Variants in KIRREL3 observed in about 807,000 individuals in gnomAD.
KIRREL3 encodes the protein kirre like nephrin family adhesion molecule 3, also known as kin of IRRE-like protein 3.
A neutral mutation model predicts 89.7 loss-of-function variants in KIRREL3; 36 were observed. The observed-to-expected ratio is 0.40, with a 90% CI of 0.31 to 0.53. The LOEUF (loss-of-function observed/expected upper bound fraction) is 0.53, where lower values mean the gene tolerates loss of function less well. Among genes scored for constraint, KIRREL3 ranks in the 20% least tolerant of loss-of-function variants. KIRREL3 has a pLI of 0.49. For synonymous variants in KIRREL3, 445 were observed against 441.4 expected, an observed-to-expected ratio of 1.01 and a Z score of -0.10; for missense variants, 864 against 1,056.6, an observed-to-expected ratio of 0.82 and a Z score of 2.53.
At chr11:126,680,395 G>A (rs1463352898) in intron 1 of KIRREL3, among the ~76,000 whole-genome samples, 1 of 147,520 alleles carries the variant, frequency 6.8e-6, no homozygotes, top group Non-Finnish European at 1.5e-5. Flanking sequence ...TCTTCTACTG[G>A]AGATATATAT....
At chr11:126,543,958 AG>A (rs1319016969) in intron 2 of KIRREL3, 2 of 152,420 alleles carry the variant, frequency 1.3e-5, no homozygotes, top group East Asian at 3.8e-4. Flanking sequence ...AGATGACCCA[AG>A]GAGGACCAGC....
At chr11:126,472,399 C>T (rs1259462847) in intron 5 of KIRREL3, among the ~76,000 whole-genome samples, 1 of 152,158 alleles carries the variant, frequency 6.6e-6, no homozygotes, top group Non-Finnish European at 1.5e-5. Context: ...GCCCTCTTCT[C>T]ACTGTGTCCT....
intron 8 of KIRREL3, among the ~76,000 whole-genome samples, chr11:126,448,218 G>A (rs1022869536): frequency 9.3e-5 from 14 of 150,762 alleles, no homozygotes; most frequent in African/African-American, 3.2e-4. Context: ...GGGAGTTGGA[G>A]GTTGCAGTGA....
At chr11:126,863,349 G>A (rs1944766054) in intron 1 of KIRREL3, among the ~76,000 whole-genome samples, 1 of 152,094 alleles carries the variant, frequency 6.6e-6, no homozygotes, top group Non-Finnish European at 1.5e-5. Flanking sequence ...GGGCATGGGT[G>A]CATGTGAGTG....
intron 1 of KIRREL3, among the ~76,000 whole-genome samples, chr11:126,845,159 T>C (rs1474621183): frequency 6.6e-6 from 1 of 152,118 alleles, no homozygotes; most frequent in Non-Finnish European, 1.5e-5. Context: ...GTGTCTATGT[T>C]TTGTCACATG....
In KIRREL3 at chr11:126,682,201, T is replaced by G. The variant is rs1291485522; in HGVS notation, c.56-119289A>C. On this transcript the variant is annotated intron_variant, in intron 1 of 16. Coordinates refer to ENST00000525144, the MANE Select transcript of KIRREL3 (RefSeq NM_032531.4). The surrounding 1 kb of genome is among the most constrained non-coding windows in gnomAD (Gnocchi z 4.8). ...GCACAGATTCTGTGTACTAGGTCTG[T>G]GGGCTCTGCAAGACTCAAAATCAAT... The G allele has an allele frequency of 2.9e-5, 7 of 243,002 alleles. No homozygotes were observed. Among genetic ancestry groups the G allele is most frequent in the Non-Finnish European group, 4.1e-5 (5 of 120,696 alleles). The allele number at this position is 243,002 out of a possible 1,614,324, so 15.1% of individuals were successfully genotyped here.
intron 7 of KIRREL3, among the ~76,000 whole-genome samples, chr11:126,451,262 TTGTGTGTCCGTGTGCA>T (rs1392646551): frequency 7.8e-6 from 1 of 128,672 alleles, no homozygotes; most frequent in Non-Finnish European, 1.7e-5. Flanking sequence ...TGTGCATTGC[TTGTGTGTCCGTGTGCA>T]TGTGTGCGTG....
rs1017059902 is a variant in KIRREL3 at position 126,563,229 on chromosome 11, C to T, written c.56-317G>A. Among the ~76,000 whole-genome samples, 28 of 152,208 alleles carry T rather than the reference C, an allele frequency of 1.8e-4. No individual in the cohort carries two copies. Among genetic ancestry groups the T allele is most frequent in the Non-Finnish European group, 3.5e-4 (24 of 68,030 alleles). On this transcript the variant is annotated intron_variant, in intron 1 of 16. Coordinates refer to ENST00000525144, the MANE Select transcript of KIRREL3 (RefSeq NM_032531.4). The surrounding 1 kb of genome is among the most constrained non-coding windows in gnomAD (Gnocchi z 6.8). Reference sequence around the variant, plus strand: ...AGAGCTTTGAACCTAGGCAGTCTGGCTCTGAGTCCATGCTCATAAACATAA... The same window carrying T: ...AGAGCTTTGAACCTAGGCAGTCTGGTTCTGAGTCCATGCTCATAAACATAA...
chr11:126,545,716 G>C (rs977341989), intron 2 of KIRREL3, among the ~76,000 whole-genome samples: 14 of 152,226 alleles, frequency 9.2e-5, no homozygotes, highest in African/African-American at 2.9e-4. Context: ...AGCAGGGTTG[G>C]AGAATAAAGG....
At chr11:126,466,302 G>A (rs1002476764) in intron 5 of KIRREL3, among the ~76,000 whole-genome samples, 1 of 152,250 alleles carries the variant, frequency 6.6e-6, no homozygotes, top group Non-Finnish European at 1.5e-5. Flanking sequence ...GGGAAGGCAC[G>A]TGCCCCAGCA....
Position 126,521,401 on chromosome 11 carries a change from C to T in KIRREL3, c.347G>A (p.Arg116Lys), listed in dbSNP as rs1452929752. Residue 116 changes from arginine (R) to lysine (K), a missense_variant, in exon 4 of 17, where the codon AGG becomes AAG. By Grantham distance (26) the Arg-to-Lys change is conservative (BLOSUM62 2). Coordinates refer to ENST00000525144, the MANE Select transcript of KIRREL3 (RefSeq NM_032531.4). The surrounding 1 kb of genome is among the most constrained non-coding windows in gnomAD (Gnocchi z 4.1). The part of the protein sequence containing the change: ...LSGEHHLKIL[R>K]AELQDDAVYE... ...CACCGCATCGTCTTGCAGCTCTGCC[C>T]TCAGGATCTTCAGGTGGTGCTCCCC... 10 of 1,571,512 alleles carry T rather than the reference C, an allele frequency of 6.4e-6. No homozygotes were observed. Among genetic ancestry groups the T allele is most frequent in the Admixed American group, 1.9e-5 (1 of 53,588 alleles).
At chr11:126,512,412 G>A (rs560296472) in intron 4 of KIRREL3, among the ~76,000 whole-genome samples, 3 of 152,300 alleles carry the variant, frequency 2.0e-5, no homozygotes, top group South Asian at 4.1e-4. Context: ...AGTGGCCAGC[G>A]GGGCTTCCAG....
chr11:126,910,021 A>C (rs1369209692), intron 1 of KIRREL3, among the ~76,000 whole-genome samples: 1 of 152,220 alleles, frequency 6.6e-6, no homozygotes, highest in Non-Finnish European at 1.5e-5. Flanking sequence ...AAAACATTTC[A>C]GAGTCATTAA....
At position 126,951,903 on chromosome 11, in the gene KIRREL3, T is replaced by G. The variant is rs939561053; in HGVS notation, c.55+48552A>C. ...ACTGAAATCTGTAGTGATGAACTTA[T>G]TTCAAGAAAAGAAGCAATTGACCAA... On this transcript the variant is annotated intron_variant, in intron 1 of 16. Coordinates refer to ENST00000525144, the MANE Select transcript of KIRREL3 (RefSeq NM_032531.4). Among the ~76,000 whole-genome samples, 33 of 152,286 alleles carry G rather than the reference T, an allele frequency of 2.2e-4. 2 individuals carry two copies. The highest frequency in any genetic ancestry group is 7.2e-4 in the African/African-American group (30 of 41,548).
In KIRREL3 at chr11:126,917,813, G is replaced by T. The variant is rs1471846405; in HGVS notation, c.55+82642C>A. Among the ~76,000 whole-genome samples, 2 of 152,174 alleles carry T rather than the reference G, an allele frequency of 1.3e-5. No homozygotes were observed. The highest frequency in any genetic ancestry group is 3.8e-4 in the East Asian group (2 of 5,200). On this transcript the variant is annotated intron_variant, in intron 1 of 16. Coordinates refer to ENST00000525144, the MANE Select transcript of KIRREL3 (RefSeq NM_032531.4). This position sits in a 1 kb window ranked among gnomAD's most constrained non-coding sequence, Gnocchi z 5.0. ...TGTCTAACCTTAGGCATGGACTTTA[G>T]AATTGAGGTGGCGTTTCTGAAGAAC...
Position 126,773,714 on chromosome 11 carries a change from A to G in KIRREL3, c.56-210802T>C, listed in dbSNP as rs1180106721. Among the ~76,000 whole-genome samples, 3 of 152,088 alleles carry G rather than the reference A, an allele frequency of 2.0e-5. No homozygotes were observed. Among genetic ancestry groups the G allele is most frequent in the African/African-American group, 7.2e-5 (3 of 41,406 alleles). On this transcript the variant is annotated intron_variant, in intron 1 of 16. Transcript: ENST00000525144. The surrounding 1 kb of genome is among the most constrained non-coding windows in gnomAD (Gnocchi z 4.2). ...GTGTTTGTGTGTGTGTTTTCCTGTG[A>G]GCTCCTTGGAGGCTGGGGCCCACAT...
At chr11:126,889,514 A>G (rs1487500321) in intron 1 of KIRREL3, among the ~76,000 whole-genome samples, 2 of 152,124 alleles carry the variant, frequency 1.3e-5, no homozygotes, top group African/African-American at 4.8e-5. Flanking sequence ...AAAAAAGGAG[A>G]AGAAAAAAAG....
chr11:126,979,495 G>T (rs924140377), intron 1 of KIRREL3, among the ~76,000 whole-genome samples: 35 of 152,220 alleles, frequency 2.3e-4, no homozygotes, highest in Middle Eastern at 3.2e-3. Flanking sequence ...ACTGAAGCCT[G>T]ACTCGAAGTC....
chr11:126,568,690 G>A lies in KIRREL3; in HGVS notation c.56-5778C>T, dbSNP rs1940697879. 6.6e-6 allele frequency among the ~76,000 whole-genome samples: 1 copy of A among 152,162 alleles called. No homozygotes were observed. On this transcript the variant is annotated intron_variant, in intron 1 of 16. Coordinates refer to ENST00000525144, the MANE Select transcript of KIRREL3 (RefSeq NM_032531.4). This position sits in a 1 kb window ranked among gnomAD's most constrained non-coding sequence, Gnocchi z 4.6. Reference sequence around the variant, plus strand: ...GCTTTGGTTTCCTCATTTATAAAACGTTGATTCTAACGGTAAGACCCTCCT... The same window carrying A: ...GCTTTGGTTTCCTCATTTATAAAACATTGATTCTAACGGTAAGACCCTCCT...
Sources: gnomAD v4.1 joint callset for allele counts (sites outside exome capture counted in the v4.1 genomes callset) on GRCh38, gnomAD v4.1.1 for gene constraint, Gnocchi (gnomAD v3.1) non-coding constraint, MANE v1.5 for transcripts, NCBI Gene and HGNC (gene_info 2026-07-23, HGNC 2026-07-21) for gene names.